Variants in SH3D21 observed in about 807,000 individuals in gnomAD.
SH3D21 encodes SH3 domain-containing protein 21.
A neutral mutation model predicts 82.1 loss-of-function variants in SH3D21; 83 were observed. That is an observed-to-expected ratio of 1.01 (90% confidence interval 0.85 to 1.21). SH3D21 has a LOEUF of 1.21. SH3D21 is among the 50% of genes most tolerant of loss of function. The probability of loss-of-function intolerance (pLI) is 0.00; values close to 1 mark genes in which losing one functional copy is unlikely to be tolerated. For synonymous variants in SH3D21, 383 were observed against 387.8 expected (o/e 0.99, Z 0.15); for missense variants, 980 against 962.1 (o/e 1.02, Z -0.25).
chr1:36,319,435 C>T lies in SH3D21; in HGVS notation c.917-7C>T, dbSNP rs1017243675. The T allele has an allele frequency of 5.2e-5, 80 of 1,551,554 alleles. No homozygotes were observed. The highest frequency in any genetic ancestry group is 6.4e-5 in the Non-Finnish European group (73 of 1,146,984). On this transcript the variant is annotated splice_region_variant and splice_polypyrimidine_tract_variant and intron_variant, in intron 12 of 15. Coordinates refer to ENST00000453908, the MANE Select transcript of SH3D21 (RefSeq NM_001162530.2). ...AGGCTTGGGTCCCTGAGGTTCTGCT[C>T]TCTTAGGCCCCAATGGTGGCTTCCA...
At chr1:36,310,936 T>C (rs1646227502) in intron 10 of SH3D21, among the ~76,000 whole-genome samples, 1 of 151,934 alleles carries the variant, frequency 6.6e-6, no homozygotes, top group African/African-American at 2.4e-5. Context: ...GGAGACAGAG[T>C]CTCTCTCTGT....
chr1:36,322,365 A>T, downstream of SH3D21: 1 of 1,589,180 alleles, frequency 6.3e-7, no homozygotes, highest in Non-Finnish European at 8.5e-7. Context: ...TGTGCCCAGC[A>T]GGTCCGGCTG....
At chr1:36,325,349 C>A (rs1045483701), downstream of SH3D21, among the ~76,000 whole-genome samples, 2 of 152,020 alleles carry the variant, frequency 1.3e-5, no homozygotes, top group South Asian at 2.1e-4. Flanking sequence ...ATTTTCATAG[C>A]GGTTACATTA....
chr1:36,324,555 G>A (rs1237226261), downstream of SH3D21: 1 of 152,252 alleles, frequency 6.6e-6, no homozygotes, highest in Non-Finnish European at 1.5e-5. Flanking sequence ...AGGAAAGGGG[G>A]AGAGGAAATT....
intron 9 of SH3D21, among the ~76,000 whole-genome samples, chr1:36,309,339 C>T (rs1022875674): frequency 6.6e-6 from 1 of 152,050 alleles, no homozygotes; most frequent in South Asian, 2.1e-4. Context: ...TGGGATTACA[C>T]GTGCATGCCA....
intron 10 of SH3D21, among the ~76,000 whole-genome samples, chr1:36,317,553 C>T (rs1476937441): frequency 6.6e-6 from 1 of 152,058 alleles, no homozygotes; most frequent in Non-Finnish European, 1.5e-5. Flanking sequence ...CCTTCCTCTG[C>T]CTAGTGTTTT....
chr1:36,315,136 C>T (rs1035634021), intron 10 of SH3D21, among the ~76,000 whole-genome samples: 7 of 151,758 alleles, frequency 4.6e-5, no homozygotes, highest in Non-Finnish European at 7.4e-5. Flanking sequence ...ATTAGCAGGG[C>T]GTGGTGGCGG....
intron 12 of SH3D21, 28 bp from the exon 13 acceptor site, chr1:36,319,414 T>G: frequency 6.4e-7 from 1 of 1,551,308 alleles, no homozygotes; most frequent in East Asian, 2.4e-5. Flanking sequence ...CAGAGTAGGC[T>G]TGGGTCCCTG....
At chr1:36,326,635 A>C (rs1037164035), downstream of SH3D21, among the ~76,000 whole-genome samples, 3 of 152,094 alleles carry the variant, frequency 2.0e-5, no homozygotes, top group African/African-American at 7.2e-5. Context: ...GTGGTGGCTC[A>C]GTGTAGGGTG....
At chr1:36,322,173 C>G, downstream of SH3D21, 1 of 1,350,424 alleles carries the variant, frequency 7.4e-7, no homozygotes, top group Non-Finnish European at 9.6e-7. Flanking sequence ...CAGGGGGTGG[C>G]GGTCCACGCC....
downstream of SH3D21, chr1:36,321,889 A>G (rs927517537): frequency 2.1e-6 from 2 of 955,262 alleles, no homozygotes; most frequent in African/African-American, 1.8e-5. This position sits in a 1 kb window ranked among gnomAD's most constrained non-coding sequence, Gnocchi z 6.1. Context: ...GAATGCGGGC[A>G]GGTGTGCTGT....
intron 10 of SH3D21, among the ~76,000 whole-genome samples, chr1:36,317,429 A>G (rs72663437): frequency 6.6e-6 from 1 of 152,354 alleles, no homozygotes; most frequent in African/African-American, 2.4e-5. Context: ...ACTTGTGCAC[A>G]TGCCAGAGTG....
chr1:36,308,943 C>T (rs969197517), intron 9 of SH3D21, among the ~76,000 whole-genome samples: 3 of 150,942 alleles, frequency 2.0e-5, no homozygotes, highest in South Asian at 2.1e-4. Context: ...AAGAGCAAGA[C>T]TCTATCTCAA....
intron 10 of SH3D21, among the ~76,000 whole-genome samples, chr1:36,309,843 G>A (rs1361176512): frequency 1.3e-5 from 2 of 152,168 alleles, no homozygotes; most frequent in African/African-American, 4.8e-5. Flanking sequence ...GTTTCATTTT[G>A]TAAGGAAACA....
rs1440409014 is a variant in SH3D21, at chr1:36,320,233, C to T, written c.1570C>T (p.Pro524Ser). The T allele has an allele frequency of 2.5e-6, 4 of 1,613,136 alleles. No homozygotes were observed. The highest frequency in any genetic ancestry group is 3.4e-6 in the Non-Finnish European group (4 of 1,180,008). ...KVKYFVAKED[P>S]SSQEEAHTPE... The stretch of plus-strand genomic sequence containing the variant: ...CAAGTACTTTGTAGCCAAAGAGGAT[C>T]CATCATCCCAGGAGGAGGCCCACAC... The change falls in exon 14 of 16, where the codon CCA (proline) becomes TCA (serine). Residue 524 changes from proline (P) to serine (S), a missense_variant. Transcript: ENST00000453908.
rs375857946 is a variant in SH3D21 at position 36,319,553 on chromosome 1, A to G, written c.1011+17A>G. 13 of 1,551,544 alleles carry G rather than the reference A, an allele frequency of 8.4e-6. No individual in the cohort carries two copies. Among genetic ancestry groups the G allele is most frequent in the Non-Finnish European group, 1.1e-5 (13 of 1,146,942 alleles). On this transcript the variant is annotated intron_variant, in intron 13 of 15. Coordinates refer to ENST00000453908, the MANE Select transcript of SH3D21 (RefSeq NM_001162530.2). Reference sequence around the variant, plus strand: ...TCCAGTCAGGTGAGGGGCGGGAGACATGGGAGAGTGGGGATGCTGGGCAGA... The same window carrying G: ...TCCAGTCAGGTGAGGGGCGGGAGACGTGGGAGAGTGGGGATGCTGGGCAGA...
chr1:36,311,293 TG>T (rs1300182218), intron 10 of SH3D21, among the ~76,000 whole-genome samples: 2 of 152,116 alleles, frequency 1.3e-5, no homozygotes, highest in African/African-American at 4.8e-5. Flanking sequence ...CAGGCTGGAA[TG>T]CAGTGGCGCA....
downstream of SH3D21, among the ~76,000 whole-genome samples, chr1:36,327,487 A>C (rs994161840): frequency 6.6e-6 from 1 of 152,140 alleles, no homozygotes; most frequent in African/African-American, 2.4e-5. Context: ...TGCAGTCTAA[A>C]ATTTTGGATC....
downstream of SH3D21, chr1:36,327,777 G>A: frequency 1.6e-6 from 2 of 1,256,748 alleles, no homozygotes; most frequent in Middle Eastern, 2.2e-4. Flanking sequence ...GCCCTGGAGG[G>A]TTTTGAGAAG....
Sources: gnomAD v4.1 joint callset for allele counts (sites outside exome capture counted in the v4.1 genomes callset) on GRCh38, gnomAD v4.1.1 for gene constraint, Gnocchi (gnomAD v3.1) non-coding constraint, MANE v1.5 for transcripts, NCBI Gene and HGNC (gene_info 2026-07-23, HGNC 2026-07-21) for gene names.